The following RBFOX1 variants were observed in gnomAD, a reference collection of about 807,000 sequenced individuals.
The protein encoded by RBFOX1 is RNA binding fox-1 homolog 1.
Under a neutral mutation model 57.7 loss-of-function variants are expected in RBFOX1, and 8 were observed. The ratio of observed to expected loss-of-function variants is 0.14; its 90% confidence interval spans 0.08 to 0.25. RBFOX1 has a LOEUF of 0.25. RBFOX1 is among the 10% of genes least tolerant of loss of function. The pLI is 1.00. For missense variants in RBFOX1, 611 were observed against 548.5 expected, an observed-to-expected ratio of 1.11 and a Z score of -1.14; for synonymous variants, 326 against 222.4, an observed-to-expected ratio of 1.47 and a Z score of -4.15.
At chr16:6,227,415 G>GCAAA (rs1294962997) in intron 1 of RBFOX1, among the ~76,000 whole-genome samples, 1 of 152,160 alleles carries the variant, frequency 6.6e-6, no homozygotes, top group Non-Finnish European at 1.5e-5. Context: ...TTTGTTAGGT[G>GCAAA]TGACAATGGG....
intron 1 of RBFOX1, among the ~76,000 whole-genome samples, chr16:6,267,285 C>T (rs1180631476): frequency 2.0e-5 from 3 of 152,190 alleles, no homozygotes; most frequent in Admixed American, 6.5e-5. Context: ...AATTCATACA[C>T]TAACACCGTA....
chr16:7,095,621 C>T (rs907658015), intron 4 of RBFOX1, among the ~76,000 whole-genome samples: 1 of 152,162 alleles, frequency 6.6e-6, no homozygotes, highest in African/African-American at 2.4e-5. Context: ...TGTCATGATA[C>T]ATACCAGGTG....
chr16:6,327,327 G>C (rs1353657945), intron 2 of RBFOX1, among the ~76,000 whole-genome samples: 1 of 151,824 alleles, frequency 6.6e-6, no homozygotes, highest in Non-Finnish European at 1.5e-5. Context: ...ATATCTAGTA[G>C]GTTTCTGCTT....
intron 1 of RBFOX1, among the ~76,000 whole-genome samples, chr16:5,292,869 C>T (rs367742387): frequency 6.6e-6 from 1 of 152,126 alleles, no homozygotes; most frequent in East Asian, 2.0e-4. Flanking sequence ...GTGGTCCATC[C>T]ACCTCGGCCT....
chr16:6,880,952 A>T (rs754638415), intron 3 of RBFOX1, among the ~76,000 whole-genome samples: 10 of 152,152 alleles, frequency 6.6e-5, no homozygotes, highest in Non-Finnish European at 1.3e-4. Context: ...AGGAGATTCA[A>T]TCTAATAACA....
chr16:5,329,731 G>A (rs1228080623), intron 1 of RBFOX1, among the ~76,000 whole-genome samples: 1 of 152,200 alleles, frequency 6.6e-6, no homozygotes, highest in Non-Finnish European at 1.5e-5. Context: ...CGGGCGCGGT[G>A]GCTTACGCCT....
rs991476423 is a variant in RBFOX1, at chr16:6,674,014, G to C, written c.-16+19364G>C. 6.6e-5 allele frequency among the ~76,000 whole-genome samples: 10 copies of C among 152,172 alleles called. No individual in the cohort carries two copies. In the East Asian group the frequency reaches 1.4e-3, roughly 21 times the overall value. On this transcript the variant is annotated intron_variant, in intron 3 of 15. Coordinates refer to ENST00000550418, the MANE Select transcript of RBFOX1 (RefSeq NM_018723.4). The stretch of plus-strand genomic sequence containing the variant: ...AGTGAGGGAGGAATTACTTCTTTTA[G>C]AGACATGTTAAGAGAATCCTATTTT...
At chr16:6,886,764 AAAAC>A (rs1157977663) in intron 3 of RBFOX1, among the ~76,000 whole-genome samples, 7 of 89,274 alleles carry the variant, frequency 7.8e-5, no homozygotes, top group Non-Finnish European at 9.9e-5. Flanking sequence ...GAAAAAAACA[AAAAC>A]AAAACAAAAC....
chr16:6,653,555 G>A lies in RBFOX1; in HGVS notation c.-63-1048G>A, dbSNP rs1392993663. Among the ~76,000 whole-genome samples, 4 of 152,140 alleles carry A rather than the reference G, an allele frequency of 2.6e-5. No homozygotes were observed. The East Asian group carries it at 7.7e-4, about 29-fold the overall frequency. ...TCACCTTTTCGTACCAGGACAACAA[G>A]AAAATAGCAGAAAATCATAGGTGTG... On this transcript the variant is annotated intron_variant, in intron 2 of 15. Coordinates refer to ENST00000550418, the MANE Select transcript of RBFOX1 (RefSeq NM_018723.4).
chr16:7,258,990 C>G (rs1344945172), intron 4 of RBFOX1, among the ~76,000 whole-genome samples: 4 of 152,252 alleles, frequency 2.6e-5, no homozygotes, highest in Middle Eastern at 3.4e-3. Context: ...TTTCCAAGCC[C>G]TTGTATTCCC....
At chr16:6,825,544 G>C (rs187794971) in intron 3 of RBFOX1, among the ~76,000 whole-genome samples, 46 of 152,244 alleles carry the variant, frequency 3.0e-4, no homozygotes, top group African/African-American at 1.1e-3. Context: ...TGATATTGAA[G>C]GTCCAGGTAC....
intron 4 of RBFOX1, among the ~76,000 whole-genome samples, chr16:7,287,229 A>G (rs1381993936): frequency 6.6e-6 from 1 of 152,194 alleles, no homozygotes; most frequent in Non-Finnish European, 1.5e-5. Flanking sequence ...ACAAAGAGCT[A>G]GTAAAGACAA....
intron 1 of RBFOX1, among the ~76,000 whole-genome samples, chr16:5,464,585 T>A (rs559977356): frequency 6.6e-6 from 1 of 152,000 alleles, no homozygotes; most frequent in South Asian, 2.1e-4. Flanking sequence ...TTTATGTGGA[T>A]TTTTTTGCAG....
At chr16:6,126,792 A>C (rs1057228795) in intron 1 of RBFOX1, among the ~76,000 whole-genome samples, 1 of 152,176 alleles carries the variant, frequency 6.6e-6, no homozygotes, top group African/African-American at 2.4e-5. Flanking sequence ...ACTAGAGACC[A>C]GGTAATGAGC....
chr16:6,104,610 G>T (rs753645433), intron 1 of RBFOX1, among the ~76,000 whole-genome samples: 3 of 152,048 alleles, frequency 2.0e-5, no homozygotes, highest in Non-Finnish European at 2.9e-5. Context: ...CTAATCTATC[G>T]TGTTCCTAGC....
intron 3 of RBFOX1, among the ~76,000 whole-genome samples, chr16:5,605,507 T>G (rs1217987051): frequency 1.3e-5 from 2 of 152,038 alleles, no homozygotes; most frequent in Non-Finnish European, 2.9e-5. Context: ...GATTAATGAT[T>G]AATGTCTGCC....
intron 1 of RBFOX1, among the ~76,000 whole-genome samples, chr16:6,205,019 C>A (rs1268293545): frequency 6.6e-6 from 1 of 152,006 alleles, no homozygotes. Context: ...TACCATAAAC[C>A]GATTGACTGA....
chr16:6,694,313 A>G (rs773424734), intron 3 of RBFOX1, among the ~76,000 whole-genome samples: 1 of 152,224 alleles, frequency 6.6e-6, no homozygotes, highest in East Asian at 1.9e-4. Flanking sequence ...TTGACAAACA[A>G]TTTAAGAGAT....
At chr16:6,963,727 C>T (rs941556661) in intron 3 of RBFOX1, among the ~76,000 whole-genome samples, 1 of 152,074 alleles carries the variant, frequency 6.6e-6, no homozygotes, top group Non-Finnish European at 1.5e-5. Flanking sequence ...GAGATGGAGT[C>T]TTGCTCTGTT....
Sources: gnomAD v4.1 joint callset for allele counts (sites outside exome capture counted in the v4.1 genomes callset) on GRCh38, gnomAD v4.1.1 for gene constraint, MANE v1.5 for transcripts, NCBI Gene and HGNC (gene_info 2026-07-23, HGNC 2026-07-21) for gene names.